Variants in SCN11A observed in about 807,000 individuals in gnomAD.
SCN11A encodes sodium channel protein type 11 subunit alpha.
In SCN11A, 122 loss-of-function variants were observed where a neutral mutation model predicts 162.2. The ratio of observed to expected loss-of-function variants is 0.75; its 90% confidence interval spans 0.65 to 0.87. SCN11A has a LOEUF of 0.87. Among genes scored for constraint, SCN11A ranks in the 40% least tolerant of loss-of-function variants. The pLI is 0.00. For synonymous variants in SCN11A, 758 were observed against 751.5 expected, an observed-to-expected ratio of 1.01 and a Z score of -0.14; for missense variants, 2,015 against 2,181.6, an observed-to-expected ratio of 0.92 and a Z score of 1.52.
intron 2 of SCN11A, among the ~76,000 whole-genome samples, chr3:38,969,099 G>C (rs1004375931): frequency 1.3e-5 from 2 of 152,190 alleles, no homozygotes; most frequent in African/African-American, 4.8e-5. Flanking sequence ...GCAGGGAAGA[G>C]GTGGTTGGAG....
chr3:39,008,775 C>G (rs918324029), intron 2 of SCN11A, among the ~76,000 whole-genome samples: 1 of 151,484 alleles, frequency 6.6e-6, no homozygotes, highest in African/African-American at 2.4e-5. Flanking sequence ...CCCAGCTACT[C>G]AGGAGGCTGA....
chr3:38,919,428 T>C (rs1194940897), intron 11 of SCN11A, among the ~76,000 whole-genome samples: 1 of 152,216 alleles, frequency 6.6e-6, no homozygotes, highest in African/African-American at 2.4e-5. Context: ...AAAGCACCGC[T>C]AACCTGAAGG....
intron 27 of SCN11A, among the ~76,000 whole-genome samples, chr3:38,865,962 A>C (rs2065033605): frequency 1.3e-5 from 2 of 152,238 alleles, no homozygotes; most frequent in Non-Finnish European, 2.9e-5. Context: ...CTGCAGAATA[A>C]GGGTACCTAG....
intron 2 of SCN11A, among the ~76,000 whole-genome samples, chr3:38,965,111 G>A (rs982890930): frequency 2.6e-5 from 4 of 152,192 alleles, no homozygotes; most frequent in African/African-American, 9.6e-5. Context: ...CACAGAATCC[G>A]TGGCTAGGAA....
At chr3:38,869,519 T>C (rs1334015384) in intron 26 of SCN11A, among the ~76,000 whole-genome samples, 1 of 152,174 alleles carries the variant, frequency 6.6e-6, no homozygotes, top group Non-Finnish European at 1.5e-5. Context: ...AAGTTGACTT[T>C]ATTGACACAC....
intron 7 of SCN11A, among the ~76,000 whole-genome samples, chr3:38,930,427 G>A (rs2066223251): frequency 6.6e-6 from 1 of 152,224 alleles, no homozygotes; most frequent in African/African-American, 2.4e-5. Context: ...AGGGTTGCAG[G>A]AGGTTGTTAA....
intron 11 of SCN11A, 70 bp downstream of exon 11, chr3:38,919,865 T>C: frequency 2.7e-6 from 3 of 1,091,454 alleles, no homozygotes; most frequent in Non-Finnish European, 4.2e-6. Flanking sequence ...CATTAAAGAC[T>C]GTTTGCCACA....
At chr3:39,022,047 G>A (rs993496263) in intron 2 of SCN11A, among the ~76,000 whole-genome samples, 13 of 152,032 alleles carry the variant, frequency 8.6e-5, no homozygotes, top group Admixed American at 7.9e-4. Flanking sequence ...AGTGCCTAAG[G>A]CTGCCCCTCC....
At chr3:38,942,204 A>G (rs1426719822) in intron 7 of SCN11A, among the ~76,000 whole-genome samples, 1 of 152,156 alleles carries the variant, frequency 6.6e-6, no homozygotes, top group Non-Finnish European at 1.5e-5. Context: ...TTCAAAATAC[A>G]CAAAGCCAAA....
chr3:38,997,491 G>A (rs776272940), intron 2 of SCN11A, among the ~76,000 whole-genome samples: 4 of 152,180 alleles, frequency 2.6e-5, no homozygotes, highest in Non-Finnish European at 4.4e-5. Context: ...CTCATGCTAT[G>A]CTTTATTTTT....
intron 26 of SCN11A, among the ~76,000 whole-genome samples, chr3:38,867,671 G>A (rs1302900728): frequency 1.3e-5 from 2 of 152,124 alleles, no homozygotes; most frequent in African/African-American, 4.8e-5. Context: ...TGGGGTGATG[G>A]AAAATCGGGC....
intron 14 of SCN11A, among the ~76,000 whole-genome samples, chr3:38,907,387 C>CA (rs1390375479): frequency 7.6e-6 from 1 of 131,844 alleles, no homozygotes; most frequent in Non-Finnish European, 1.6e-5. Context: ...CACACACACA[C>CA]ACTTTGATGC....
intron 4 of SCN11A, among the ~76,000 whole-genome samples, chr3:38,951,929 T>C (rs4299427): frequency 0.4 from 60,583 of 151,678 alleles, 12,730 homozygotes; most frequent in African/African-American, 0.55. Flanking sequence ...ATCAGGCTGC[T>C]GGAGCCAGCA....
rs187790910 is a variant in SCN11A at position 38,846,411 on chromosome 3, C to T, written c.*283G>A. 1 of 368,680 alleles carries T rather than the reference C, an allele frequency of 2.7e-6. No individual in the cohort carries two copies. The highest frequency in any genetic ancestry group is 2.0e-5 in the African/African-American group (1 of 49,346). The allele number at this position is 368,680 out of a possible 1,614,324, so 22.8% of individuals were successfully genotyped here. A position where few individuals can be genotyped will look rare whatever the true frequency, so the allele number is the denominator to read the frequency against. ...ACAGGCATGAGCCACTGCGCCCGGC[C>T]TGAACTATTTCAATCCTAAAATTGG... On this transcript the variant is annotated 3_prime_UTR_variant, in exon 30 of 30. Coordinates refer to ENST00000302328, the MANE Select transcript of SCN11A (RefSeq NM_001349253.2).
At chr3:38,855,616 C>T (rs941445251) in intron 28 of SCN11A, among the ~76,000 whole-genome samples, 1 of 152,158 alleles carries the variant, frequency 6.6e-6, no homozygotes, top group Non-Finnish European at 1.5e-5. Context: ...CAACTCAGGA[C>T]ATGACTGCAA....
intron 2 of SCN11A, among the ~76,000 whole-genome samples, chr3:38,971,629 A>C (rs1316114979): frequency 3.3e-5 from 5 of 152,158 alleles, no homozygotes; most frequent in Non-Finnish European, 1.5e-5. Context: ...CTCTTCTTCC[A>C]GGGAGCTTTT....
In SCN11A at chr3:39,051,898, C is replaced by A; in HGVS notation, c.-441G>T. On this transcript the variant is annotated 5_prime_UTR_variant, in exon 1 of 30. Coordinates refer to ENST00000302328, the MANE Select transcript of SCN11A (RefSeq NM_001349253.2). ...CTACCGGCCACACAGCAACTAACAG[C>A]ACCGAGGAAACACAACAGCCTGTTT... 8.7e-7 allele frequency: 1 copy of A among 1,151,068 alleles called. No individual in the cohort carries two copies. Among genetic ancestry groups the A allele is most frequent in the Non-Finnish European group, 1.3e-6 (1 of 787,684 alleles). The allele number at this position is 1,151,068 out of a possible 1,614,324, so 71.3% of individuals were successfully genotyped here. A position where few individuals can be genotyped will look rare whatever the true frequency, so the allele number is the denominator to read the frequency against.
chr3:38,887,336 C>T (rs2065417830), intron 19 of SCN11A, among the ~76,000 whole-genome samples: 2 of 151,498 alleles, frequency 1.3e-5, no homozygotes, highest in South Asian at 2.1e-4. Context: ...TCAAGAGGGG[C>T]CACTGGAGCA....
intron 29 of SCN11A, among the ~76,000 whole-genome samples, chr3:38,848,220 T>C (rs1396792259): frequency 6.6e-6 from 1 of 152,252 alleles, no homozygotes; most frequent in African/African-American, 2.4e-5. Context: ...TTCAGAGGTT[T>C]GATCAAACAG....
Sources: allele counts gnomAD v4.1 joint callset (sites outside exome capture counted in the v4.1 genomes callset), GRCh38; gene constraint gnomAD v4.1.1; transcripts MANE v1.5; gene names NCBI Gene and HGNC (gene_info 2026-07-23, HGNC 2026-07-21).